The following TRIOBP variants were observed in gnomAD, a reference collection of about 807,000 sequenced individuals.
TRIOBP encodes the protein TRIO and F-actin-binding protein.
Under a neutral mutation model 238.8 loss-of-function variants are expected in TRIOBP, and 169 were observed. The observed-to-expected ratio is 0.71, with a 90% CI of 0.62 to 0.80. The LOEUF (loss-of-function observed/expected upper bound fraction) is 0.80, where lower values mean the gene tolerates loss of function less well. TRIOBP is among the 30% of genes least tolerant of loss of function. TRIOBP has a pLI of 0.00. For synonymous variants in TRIOBP, 1,150 were observed against 1,274.4 expected, an observed-to-expected ratio of 0.90 and a Z score of 2.08; for missense variants, 2,838 against 3,122.6, an observed-to-expected ratio of 0.91 and a Z score of 2.17.
At chr22:37,751,506 G>T in intron 11 of TRIOBP, 1 of 541,434 alleles carries the variant, frequency 1.8e-6, no homozygotes, top group Admixed American at 3.1e-5. Flanking sequence ...AGAGGCCCCT[G>T]GGACATCTGG....
chr22:37,767,726 T>C (rs1444137829), intron 18 of TRIOBP, among the ~76,000 whole-genome samples: 1 of 152,052 alleles, frequency 6.6e-6, no homozygotes, highest in African/African-American at 2.4e-5. Context: ...GTGTACTAGG[T>C]GGGGTCCTAC....
At chr22:37,701,168 GGAGAAC>G in intron 2 of TRIOBP, 132 bp from the exon 3 acceptor site, 1 of 569,482 alleles carries the variant, frequency 1.8e-6, no homozygotes, top group Non-Finnish European at 3.2e-6. Flanking sequence ...AGGAATGGAT[GGAGAAC>G]AGGAACCCAA....
chr22:37,703,229 T>G (rs563324859), intron 3 of TRIOBP, among the ~76,000 whole-genome samples: 3 of 151,916 alleles, frequency 2.0e-5, no homozygotes, highest in South Asian at 2.1e-4. Flanking sequence ...CTCCTGACCT[T>G]GTGATCTGTC....
At chr22:37,709,920 C>T (rs934125812) in intron 3 of TRIOBP, among the ~76,000 whole-genome samples, 1 of 152,242 alleles carries the variant, frequency 6.6e-6, no homozygotes, top group Non-Finnish European at 1.5e-5. Context: ...CATCAAACTG[C>T]CTCTTCCTCC....
chr22:37,704,013 G>C (rs1922796622), intron 3 of TRIOBP, among the ~76,000 whole-genome samples: 1 of 152,134 alleles, frequency 6.6e-6, no homozygotes, highest in South Asian at 2.1e-4. Flanking sequence ...GAGACCGTGG[G>C]TCAGCTCACA....
chr22:37,772,969 C>T (rs1014324196), intron 23 of TRIOBP, among the ~76,000 whole-genome samples: 14 of 152,316 alleles, frequency 9.2e-5, no homozygotes, highest in African/African-American at 3.1e-4. Context: ...TCAGCTTAAG[C>T]CTGTTCCTCC....
At chr22:37,759,608 G>A (rs893437216) in intron 17 of TRIOBP, 3 of 1,556,784 alleles carry the variant, frequency 1.9e-6, no homozygotes, top group African/African-American at 2.7e-5. Context: ...CCGGGGAAGT[G>A]GGGGGCTAGT....
chr22:37,718,499 A>T (rs1923653045), intron 6 of TRIOBP, among the ~76,000 whole-genome samples: 3 of 151,148 alleles, frequency 2.0e-5, no homozygotes, highest in Non-Finnish European at 4.4e-5. Context: ...GAGGCTGCTC[A>T]GCATCCCCAG....
intron 14 of TRIOBP, 155 bp downstream of exon 14, chr22:37,755,345 A>G: frequency 2.1e-6 from 2 of 936,310 alleles, no homozygotes; most frequent in South Asian, 2.8e-5. Context: ...TGTGATGCCA[A>G]CACTTAGCAT....
chr22:37,750,913 T>C (rs1925555408), intron 11 of TRIOBP: 3 of 377,238 alleles, frequency 8.0e-6, no homozygotes, highest in South Asian at 3.8e-5. Flanking sequence ...ATGTAGGGGC[T>C]GATAGGTAGG....
rs1198404866 is a variant in TRIOBP at position 37,771,014 on chromosome 22, T to C, written c.6850-636T>C. Among the ~76,000 whole-genome samples, 10 of 152,318 alleles carry C rather than the reference T, an allele frequency of 6.6e-5. No individual in the cohort carries two copies. In the East Asian group the frequency reaches 1.7e-3, roughly 26 times the overall value. On this transcript the variant is annotated intron_variant, in intron 21 of 23. Coordinates refer to ENST00000644935, the MANE Select transcript of TRIOBP (RefSeq NM_001039141.3). The stretch of plus-strand genomic sequence containing the variant: ...TTTATTTCTTCAACAAACACTTAGG[T>C]GAGGCTCACTCTGTACCTAGAAATT...
intron 9 of TRIOBP, among the ~76,000 whole-genome samples, chr22:37,736,382 C>T (rs1349578522): frequency 6.6e-6 from 1 of 152,144 alleles, no homozygotes; most frequent in African/African-American, 2.4e-5. Flanking sequence ...GCCTCCTCAT[C>T]TCCTAGATGC....
In TRIOBP at chr22:37,769,162, G is replaced by T. The variant is rs1420716644; in HGVS notation, c.6710G>T (p.Gly2237Val). 30 of 1,610,472 alleles carry T rather than the reference G, an allele frequency of 1.9e-5. No homozygotes were observed. The highest frequency in any genetic ancestry group is 2.5e-5 in the Non-Finnish European group (29 of 1,178,848). ...EHTLRRCQQEGQELLRHNQEL... is the reference protein window; with the variant it reads ...EHTLRRCQQEVQELLRHNQEL... ...ACGCTGCGCCGCTGCCAGCAGGAGGGCCAGGAGCTGCTGCGCCACAACCAG... is the reference window on the plus strand; with the variant it reads ...ACGCTGCGCCGCTGCCAGCAGGAGGTCCAGGAGCTGCTGCGCCACAACCAG... The change falls in exon 20 of 24, where the codon GGC (glycine) becomes GTC (valine). Residue 2237 changes from glycine (G) to valine (V), a missense_variant. By Grantham distance (109) the Gly-to-Val change is moderately radical (BLOSUM62 -3). Coordinates refer to ENST00000644935, the MANE Select transcript of TRIOBP (RefSeq NM_001039141.3).
intron 12 of TRIOBP, 53 bp from the exon 13 acceptor site, chr22:37,754,824 A>G (rs941636885): frequency 1.9e-6 from 3 of 1,585,428 alleles, no homozygotes; most frequent in South Asian, 1.1e-5. Context: ...GCAGCCACAC[A>G]GGACACCTGT....
In TRIOBP at chr22:37,734,905, A is replaced by G; in HGVS notation, c.4569A>G (p.Ala1523=). The G allele has an allele frequency of 6.2e-7, 1 of 1,613,290 alleles. No homozygotes were observed. The highest frequency in any genetic ancestry group is 8.5e-7 in the Non-Finnish European group (1 of 1,180,006). Reference sequence around the variant, plus strand: ...CCCCTGAGAACTGGGGAGGCCCCGCAGAGTCCTCACAATCCTGGCACTCTG... The same window carrying G: ...CCCCTGAGAACTGGGGAGGCCCCGCGGAGTCCTCACAATCCTGGCACTCTG... ...TSPPENWGGP[A]ESSQSWHSGT... Residue 1523 remains alanine (A), a synonymous_variant, in exon 9 of 24, where the codon GCA becomes GCG. Coordinates refer to ENST00000644935, the MANE Select transcript of TRIOBP (RefSeq NM_001039141.3).
In TRIOBP at chr22:37,724,948, C is replaced by A; in HGVS notation, c.2392C>A (p.Arg798=). 1 of 1,614,014 alleles carries A rather than the reference C, an allele frequency of 6.2e-7. No individual in the cohort carries two copies. The highest frequency in any genetic ancestry group is 8.5e-7 in the Non-Finnish European group (1 of 1,180,008). The change falls in exon 7 of 24, where the codon CGG becomes AGG. Residue 798 remains arginine (R), a synonymous_variant. Transcript: ENST00000644935. ...CAACCCCAGAACATCCTGTGCCCAG[C>A]GGGACAATCTCAGAGCCTCCTCTCC... ...RDNPRTSCAQ[R]DNLRASSPIR... is the part of the protein sequence containing the mutation.
At chr22:37,698,792 T>C (rs988872528) in intron 2 of TRIOBP, among the ~76,000 whole-genome samples, 2 of 122,086 alleles carry the variant, frequency 1.6e-5, no homozygotes, top group African/African-American at 5.8e-5. Flanking sequence ...CAAGGAGCTA[T>C]GATCGAGCCA....
At position 37,758,128 on chromosome 22, in the gene TRIOBP, T is replaced by G. The variant is rs1021673026; in HGVS notation, c.6203T>G (p.Leu2068Arg). ...RGPPSDGHEA[L>R]EKEVQALRAQ... ...CCCCCAAGTGACGGCCACGAGGCAC[T>G]GGAGAAGGAGGTAGGCACCACGGCT... Residue 2068 changes from leucine (L) to arginine (R), a missense_variant, in exon 16 of 24, where the codon CTG becomes CGG. By Grantham distance (102) the Leu-to-Arg change is moderately radical. Transcript: ENST00000644935. 1.9e-6 allele frequency: 3 copies of G among 1,610,910 alleles called. No homozygotes were observed. Among genetic ancestry groups the G allele is most frequent in the African/African-American group, 2.7e-5 (2 of 74,852 alleles).
chr22:37,703,855 G>A (rs2145812217), intron 3 of TRIOBP, among the ~76,000 whole-genome samples: 1 of 152,156 alleles, frequency 6.6e-6, no homozygotes, highest in African/African-American at 2.4e-5. Flanking sequence ...TCACCTGCAA[G>A]TTCAGGTTCA....
Sources: allele counts gnomAD v4.1 joint callset (sites outside exome capture counted in the v4.1 genomes callset), GRCh38; gene constraint gnomAD v4.1.1; transcripts MANE v1.5; gene names NCBI Gene and HGNC (gene_info 2026-07-23, HGNC 2026-07-21).